DIS3L2: variants seen among roughly 807,000 people sequenced by gnomAD.
DIS3L2 encodes the protein DIS3-like exonuclease 2.
In DIS3L2, 34 loss-of-function variants were observed where a neutral mutation model predicts 97.5. The observed-to-expected ratio is 0.35, with a 90% CI of 0.27 to 0.46. The LOEUF is 0.46. DIS3L2 is among the 20% of genes least tolerant of loss of function. The pLI is 1.00. For synonymous variants in DIS3L2, 435 were observed against 445.2 expected (o/e 0.98, Z 0.29); for missense variants, 1,038 against 1,146.0 (o/e 0.91, Z 1.36).
At chr2:232,341,737 G>C (rs982745732), downstream of DIS3L2, among the ~76,000 whole-genome samples, 6 of 152,236 alleles carry the variant, frequency 3.9e-5, no homozygotes, top group African/African-American at 1.4e-4. Context: ...CCCCAGGGCT[G>C]CTAAGCTAAT....
chr2:232,313,088 T>C (rs1575011878), intron 14 of DIS3L2, among the ~76,000 whole-genome samples: 2 of 152,304 alleles, frequency 1.3e-5, no homozygotes, highest in East Asian at 3.9e-4. Context: ...TCTCATGCCA[T>C]GTATTTATTT....
At chr2:232,161,651 A>G (rs1690655251) in intron 8 of DIS3L2, among the ~76,000 whole-genome samples, 1 of 152,106 alleles carries the variant, frequency 6.6e-6, no homozygotes. Context: ...TTGTATTTTT[A>G]GTAGAAACGG....
intron 12 of DIS3L2, among the ~76,000 whole-genome samples, chr2:232,262,324 G>A (rs1023669899): frequency 5.3e-5 from 8 of 152,126 alleles, no homozygotes; most frequent in Admixed American, 3.9e-4. Flanking sequence ...ATGTTTTAAT[G>A]TCCTTTTTTT....
At chr2:231,997,291 C>CAAACA (rs1364714904) in intron 1 of DIS3L2, among the ~76,000 whole-genome samples, 20 of 152,192 alleles carry the variant, frequency 1.3e-4, no homozygotes, top group Non-Finnish European at 2.6e-4. Context: ...GCAAAAAGTG[C>CAAACA]TGGGCTGTTG....
At chr2:232,027,433 C>G (rs1694689050) in intron 4 of DIS3L2, among the ~76,000 whole-genome samples, 1 of 152,150 alleles carries the variant, frequency 6.6e-6, no homozygotes, top group African/African-American at 2.4e-5. Flanking sequence ...GGCTTTTGCT[C>G]TGACAGTAGG....
At chr2:232,270,912 C>CTG (rs1693990494) in intron 13 of DIS3L2, among the ~76,000 whole-genome samples, 1 of 121,242 alleles carries the variant, frequency 8.2e-6, no homozygotes, top group African/African-American at 3.1e-5. Flanking sequence ...CTCTCTCTCT[C>CTG]TCTGTCTCGT....
At chr2:232,250,284 C>T (rs1378061745) in intron 12 of DIS3L2, among the ~76,000 whole-genome samples, 3 of 152,012 alleles carry the variant, frequency 2.0e-5, no homozygotes, top group African/African-American at 7.2e-5. Context: ...GGATCAAATA[C>T]CCACATTTAC....
rs1342126895 is a variant in DIS3L2, at chr2:232,325,415, G to A, written c.1740-4398G>A. Reference sequence around the variant, plus strand: ...GCTGTGGGGAGTGTGTACCGTGTGCGGGGGGCTGGTGGCCTTTCTCTGCTG... The same window carrying A: ...GCTGTGGGGAGTGTGTACCGTGTGCAGGGGGCTGGTGGCCTTTCTCTGCTG... On this transcript the variant is annotated intron_variant, in intron 14 of 20. Transcript: ENST00000325385. The surrounding 1 kb of genome is among the most constrained non-coding windows in gnomAD (Gnocchi z 4.6). 1.3e-5 allele frequency among the ~76,000 whole-genome samples: 2 copies of A among 152,212 alleles called. No homozygotes were observed. The highest frequency in any genetic ancestry group is 2.4e-5 in the African/African-American group (1 of 41,452).
chr2:232,066,664 A>G (rs1204284517), intron 5 of DIS3L2, among the ~76,000 whole-genome samples: 1 of 152,020 alleles, frequency 6.6e-6, no homozygotes, highest in Non-Finnish European at 1.5e-5. Flanking sequence ...TAAGTATTTG[A>G]TAAAATTTAC....
chr2:232,109,826 C>A (rs767047477), intron 6 of DIS3L2, among the ~76,000 whole-genome samples: 1 of 152,104 alleles, frequency 6.6e-6, no homozygotes, highest in Non-Finnish European at 1.5e-5. Flanking sequence ...CATGAAGACA[C>A]CAAAAGCAAT....
rs1559184404 is a variant in DIS3L2 at position 232,269,689 on chromosome 2, C to T, written c.1659+6249C>T. On this transcript the variant is annotated intron_variant, in intron 13 of 20. Coordinates refer to ENST00000325385, the MANE Select transcript of DIS3L2 (RefSeq NM_152383.5). This position sits in a 1 kb window ranked among gnomAD's most constrained non-coding sequence, Gnocchi z 4.5. ...TAGCCAGGCTGCAAAGGCAAGCAGA[C>T]TGCTGGTACAAGCATGGGAGGGATG... is the stretch of plus-strand genomic sequence containing the variant. Among the ~76,000 whole-genome samples the T allele has an allele frequency of 2.0e-5, 3 of 152,016 alleles. No individual in the cohort carries two copies. Among genetic ancestry groups the T allele is most frequent in the Non-Finnish European group, 4.4e-5 (3 of 68,016 alleles).
At position 232,100,833 on chromosome 2, in the gene DIS3L2, A is replaced by G. The variant is rs111997777; in HGVS notation, c.601+13112A>G. Among the ~76,000 whole-genome samples the G allele has an allele frequency of 4.8e-3, 476 of 99,302 alleles. 2 individuals are homozygous for G. The highest frequency in any genetic ancestry group is 8.2e-3 in the Non-Finnish European group (329 of 40,140). The allele number at this position is 99,302 out of a possible 152,430, so 65.1% of individuals were successfully genotyped here. A position where few individuals can be genotyped will look rare whatever the true frequency, so the allele number is the denominator to read the frequency against. ...TGTGTGTGTGTGTGTGTGTGTGTAT[A>G]TATATCTCCACAAATTTGATTTATA... is the stretch of plus-strand genomic sequence containing the variant. On this transcript the variant is annotated intron_variant, in intron 6 of 20. Coordinates refer to ENST00000325385, the MANE Select transcript of DIS3L2 (RefSeq NM_152383.5).
At chr2:232,302,359 A>C (rs964035518) in intron 14 of DIS3L2, among the ~76,000 whole-genome samples, 1 of 151,970 alleles carries the variant, frequency 6.6e-6, no homozygotes, top group Admixed American at 6.6e-5. Flanking sequence ...CATGTTGTGC[A>C]CATGTACCCT....
At chr2:231,996,767 C>G (rs1181441332) in intron 1 of DIS3L2, among the ~76,000 whole-genome samples, 1 of 152,128 alleles carries the variant, frequency 6.6e-6, no homozygotes, top group East Asian at 1.9e-4. Context: ...TTATTCTTTA[C>G]TACTATACAT....
chr2:232,088,576 G>GT (rs1310795797), intron 6 of DIS3L2, among the ~76,000 whole-genome samples: 4 of 149,806 alleles, frequency 2.7e-5, no homozygotes, highest in African/African-American at 9.8e-5. Flanking sequence ...AAAAAAAAAA[G>GT]TTTTTTTTGT....
intron 6 of DIS3L2, among the ~76,000 whole-genome samples, chr2:232,103,555 A>G (rs1428615952): frequency 6.6e-6 from 1 of 152,176 alleles, no homozygotes; most frequent in African/African-American, 2.4e-5. Flanking sequence ...TCATTTAGTC[A>G]TGGTATGTAG....
chr2:232,261,469 C>T (rs1693709814), intron 12 of DIS3L2, among the ~76,000 whole-genome samples: 1 of 152,192 alleles, frequency 6.6e-6, no homozygotes. Context: ...TAACCTGGTG[C>T]TTCCCAGGTT....
intron 6 of DIS3L2, among the ~76,000 whole-genome samples, chr2:232,129,587 G>A (rs1346998380): frequency 2.6e-5 from 4 of 152,212 alleles, no homozygotes; most frequent in African/African-American, 7.2e-5. Flanking sequence ...CAGCATAGAT[G>A]GAAAAGCAAA....
At chr2:232,020,861 A>G (rs973587648) in intron 3 of DIS3L2, among the ~76,000 whole-genome samples, 1 of 152,198 alleles carries the variant, frequency 6.6e-6, no homozygotes, top group Non-Finnish European at 1.5e-5. Context: ...GGCATGTCGT[A>G]TGCCTGCATA....
Sources: allele counts gnomAD v4.1 joint callset (sites outside exome capture counted in the v4.1 genomes callset), GRCh38; gene constraint gnomAD v4.1.1; non-coding constraint Gnocchi (gnomAD v3.1); transcripts MANE v1.5; gene names NCBI Gene and HGNC (gene_info 2026-07-23, HGNC 2026-07-21).